The following TSHZ3 variants were observed in gnomAD, a reference collection of about 807,000 sequenced individuals.
TSHZ3 encodes the protein teashirt zinc finger homeobox 3, also known as teashirt homolog 3.
Under a neutral mutation model 64.5 loss-of-function variants are expected in TSHZ3, and 10 were observed. The ratio of observed to expected loss-of-function variants is 0.16; its 90% CI spans 0.10 to 0.26. The LOEUF (loss-of-function observed/expected upper bound fraction) is 0.26. Among genes scored for constraint, TSHZ3 ranks in the 10% least tolerant of loss-of-function variants. TSHZ3 has a pLI of 1.00. For missense variants in TSHZ3, 1,242 were observed against 1,421.7 expected, an observed-to-expected ratio of 0.87 and a Z score of 2.03; for synonymous variants, 608 against 593.1, an observed-to-expected ratio of 1.03 and a Z score of -0.36.
At chr19:31,200,853 G>A (rs944624471) in intron 5 of TSHZ3, among the ~76,000 whole-genome samples, 9 of 152,016 alleles carry the variant, frequency 5.9e-5, no homozygotes, top group African/African-American at 2.2e-4. Context: ...GGAAATCTCT[G>A]TGCCTTCTGC....
intron 1 of TSHZ3, among the ~76,000 whole-genome samples, chr19:31,322,417 C>T (rs918032011): frequency 3.9e-5 from 6 of 152,008 alleles, no homozygotes; most frequent in Admixed American, 3.9e-4. Flanking sequence ...CGTGCCTAGC[C>T]TTATGTATGT....
chr19:31,278,852 G>A lies in TSHZ3; in HGVS notation c.941C>T (p.Ala314Val). The change falls in exon 2 of 2, where the codon GCC (alanine) becomes GTC (valine). Residue 314 changes from alanine to valine, a missense_variant. This residue lies in a region of TSHZ3 where 555 missense variants were observed against 704.0 expected (regional missense o/e 0.79). Transcript: ENST00000240587. The surrounding 1 kb of genome is among the most constrained non-coding windows in gnomAD (Gnocchi z 4.7). ...PLKEPVTPVAAKIIPATRKKA... is the reference protein window; with the variant it reads ...PLKEPVTPVAVKIIPATRKKA... ...CTTCCGAGTGGCAGGGATGATTTTG[G>A]CGGCGACAGGAGTGACGGGTTCCTT... 3 of 1,614,096 alleles carry A rather than the reference G, an allele frequency of 1.9e-6. No homozygotes were observed. Among genetic ancestry groups the A allele is most frequent in the Non-Finnish European group, 2.5e-6 (3 of 1,180,044 alleles).
intron 5 of TSHZ3, among the ~76,000 whole-genome samples, chr19:31,173,318 C>T (rs80291314): frequency 1.3e-3 from 199 of 152,208 alleles, no homozygotes; most frequent in African/African-American, 2.5e-3. Context: ...TTAATTAATG[C>T]AAAGTAGTTT....
intron 1 of TSHZ3, among the ~76,000 whole-genome samples, chr19:31,330,706 G>GC (rs771070299): frequency 8.8e-5 from 6 of 68,032 alleles, no homozygotes; most frequent in African/African-American, 1.5e-4. Context: ...TTTAATCCTT[G>GC]GGCGGGGGGA....
intron 1 of TSHZ3, among the ~76,000 whole-genome samples, chr19:31,280,071 AT>A (rs1976335573): frequency 6.6e-6 from 1 of 152,148 alleles, no homozygotes; most frequent in African/African-American, 2.4e-5. Context: ...TGGAGGTGGC[AT>A]TCATTTCTAA....
At chr19:31,223,787 C>T (rs1164280835) in intron 4 of TSHZ3, among the ~76,000 whole-genome samples, 1 of 152,072 alleles carries the variant, frequency 6.6e-6, no homozygotes, top group African/African-American at 2.4e-5. Flanking sequence ...AATCCTCCCA[C>T]TCCTAATGGC....
rs771527630 is a variant in TSHZ3, at chr19:31,279,331, A to ACTGCTGCTG, written c.453_461dup (p.Ser157_Ser159dup). On this transcript the variant is annotated inframe_insertion, in exon 2 of 2. Transcript: ENST00000240587. This position sits in a 1 kb window ranked among gnomAD's most constrained non-coding sequence, Gnocchi z 6.4. ...CGCTGCCACAGCTGCTGCTGCTGCTACTGCTGCTGCTGCTGCTGCCGTTGT... is the reference window on the plus strand; with the variant it reads ...CGCTGCCACAGCTGCTGCTGCTGCTACTGCTGCTGCTGCTGCTGCTGCTGCTGCCGTTGT... The ACTGCTGCTG allele has an allele frequency of 1.9e-6, 3 of 1,612,474 alleles. No individual in the cohort carries two copies. Among genetic ancestry groups the ACTGCTGCTG allele is most frequent in the African/African-American group, 2.7e-5 (2 of 74,944 alleles).
chr19:31,312,808 C>G (rs544825429), intron 1 of TSHZ3, among the ~76,000 whole-genome samples: 1 of 152,226 alleles, frequency 6.6e-6, no homozygotes, highest in East Asian at 1.9e-4. Flanking sequence ...TCTTTAACAC[C>G]TCCCCAACAC....
At chr19:31,345,041 TGGG>T (rs2145202219) in intron 1 of TSHZ3, among the ~76,000 whole-genome samples, 1 of 152,234 alleles carries the variant, frequency 6.6e-6, no homozygotes, top group South Asian at 2.1e-4. Flanking sequence ...GTCAAGATAA[TGGG>T]GGCACCGCAG....
chr19:31,238,299 G>T, intron 3 of TSHZ3, among the ~76,000 whole-genome samples: 1 of 145,446 alleles, frequency 6.9e-6, no homozygotes. Flanking sequence ...TCTGTCACCC[G>T]GACTGCAGAG....
intron 6 of TSHZ3, among the ~76,000 whole-genome samples, chr19:31,153,097 G>C (rs747353914): frequency 2.6e-5 from 4 of 152,134 alleles, no homozygotes; most frequent in Non-Finnish European, 5.9e-5. Context: ...CATGGATCAG[G>C]AACTCTGGTT....
At position 31,278,980 on chromosome 19, in the gene TSHZ3, G is replaced by T; in HGVS notation, c.813C>A (p.Ala271=). ...AGTACATGCACTTCAGCACCTTCTG[G>T]GCGTCTTCCTTCCCTTCCATTTCCA... is the stretch of plus-strand genomic sequence containing the variant. ...SLLEMEGKED[A]QKVLKCMYCG... Residue 271 remains alanine, a synonymous_variant, in exon 2 of 2, where the codon GCC becomes GCA. Coordinates refer to ENST00000240587, the MANE Select transcript of TSHZ3 (RefSeq NM_020856.4). This position sits in a 1 kb window ranked among gnomAD's most constrained non-coding sequence, Gnocchi z 4.7. 6.2e-7 allele frequency: 1 copy of T among 1,614,086 alleles called. No homozygotes were observed. Among genetic ancestry groups the T allele is most frequent in the Non-Finnish European group, 8.5e-7 (1 of 1,179,968 alleles).
At position 31,278,081 on chromosome 19, in the gene TSHZ3, G is replaced by T. The variant is rs749560411; in HGVS notation, c.1712C>A (p.Thr571Lys). ...GTTGCCAAACATGGGTTTCAGGGGC[G>T]TGCTCTTCCCCGACGAGCCCAGGGA... ...KLSLGSSGKS[T>K]PLKPMFGNSE... is the part of the protein sequence containing the mutation. The change falls in exon 2 of 2, where the codon ACG becomes AAG. Residue 571 changes from threonine to lysine, a missense_variant. Physicochemically the swap from Thr to Lys is moderately conservative, Grantham distance 78. Coordinates refer to ENST00000240587, the MANE Select transcript of TSHZ3 (RefSeq NM_020856.4). This position sits in a 1 kb window ranked among gnomAD's most constrained non-coding sequence, Gnocchi z 4.7. 6.2e-7 allele frequency: 1 copy of T among 1,614,004 alleles called. No individual in the cohort carries two copies. The highest frequency in any genetic ancestry group is 1.7e-5 in the Admixed American group (1 of 60,008).
intron 6 of TSHZ3, among the ~76,000 whole-genome samples, chr19:31,153,264 A>G (rs574290036): frequency 6.6e-6 from 1 of 152,338 alleles, no homozygotes; most frequent in South Asian, 2.1e-4. Flanking sequence ...AAAAAATATA[A>G]CATGGCACTC....
intron 1 of TSHZ3, among the ~76,000 whole-genome samples, chr19:31,345,512 T>C (rs570612918): frequency 1.3e-5 from 2 of 152,324 alleles, no homozygotes; most frequent in Admixed American, 1.3e-4. Flanking sequence ...CACAGTGTTC[T>C]GTGGCACCAG....
intron 1 of TSHZ3, among the ~76,000 whole-genome samples, chr19:31,280,155 C>G (rs1005862117): frequency 6.6e-6 from 1 of 152,150 alleles, no homozygotes; most frequent in Non-Finnish European, 1.5e-5. Flanking sequence ...TATGCTTCTC[C>G]TACCCCTAAT....
At chr19:31,323,863 A>ACACACACACACAC (rs1916850882) in intron 1 of TSHZ3, among the ~76,000 whole-genome samples, 1 of 122,240 alleles carries the variant, frequency 8.2e-6, no homozygotes, top group Non-Finnish European at 1.7e-5. Flanking sequence ...CCTGGCCTCC[A>ACACACACACACAC]ACACACACAC....
chr19:31,350,725 G>T (rs1356105780), upstream of TSHZ3, among the ~76,000 whole-genome samples: 1 of 150,608 alleles, frequency 6.6e-6, no homozygotes, highest in Non-Finnish European at 1.5e-5. Context: ...CTTACGGGCG[G>T]CGGTGAGGGC....
At chr19:31,282,762 T>TCAACCTCC (rs1976386469) in intron 1 of TSHZ3, among the ~76,000 whole-genome samples, 1 of 152,132 alleles carries the variant, frequency 6.6e-6, no homozygotes, top group Non-Finnish European at 1.5e-5. Context: ...GGCCAACCTC[T>TCAACCTCC]CAACCTCCCT....
Sources: allele counts gnomAD v4.1 joint callset (sites outside exome capture counted in the v4.1 genomes callset), GRCh38; gene constraint gnomAD v4.1.1; regional missense constraint gnomAD v4.1.1; non-coding constraint Gnocchi (gnomAD v3.1); transcripts MANE v1.5; gene names NCBI Gene and HGNC (gene_info 2026-07-23, HGNC 2026-07-21).